Variants in STK32A observed in about 807,000 individuals in gnomAD.
STK32A encodes the protein serine/threonine-protein kinase 32A.
STK32A carries 41 observed loss-of-function variants against 53.2 expected under a neutral mutation model. The ratio of observed to expected loss-of-function variants is 0.77; its 90% CI spans 0.60 to 1.00. The LOEUF is 1.00. STK32A is among the 50% of genes least tolerant of loss of function. STK32A has a pLI of 0.00. For synonymous variants in STK32A, 166 were observed against 162.8 expected, an observed-to-expected ratio of 1.02 and a Z score of -0.15; for missense variants, 458 against 485.8, an observed-to-expected ratio of 0.94 and a Z score of 0.54.
At chr5:147,394,307 A>T in the STK32A span, among the ~76,000 whole-genome samples, 32 of 152,326 alleles carry the variant, frequency 2.1e-4, no homozygotes, top group East Asian at 6.0e-3. Context: ...ATGGCCCCGA[A>T]AACTAGCCTC....
chr5:147,400,650 T>A, the STK32A span: 3 of 1,604,136 alleles, frequency 1.9e-6, no homozygotes, highest in Non-Finnish European at 2.6e-6. Context: ...GGCCCATGGA[T>A]GTTTTGGCTC....
chr5:147,269,177 G>A (rs1290571850), intron 2 of STK32A, among the ~76,000 whole-genome samples: 1 of 152,166 alleles, frequency 6.6e-6, no homozygotes, highest in Non-Finnish European at 1.5e-5. Context: ...GATAATATAT[G>A]TAACATATTT....
Position 147,375,129 on chromosome 5 carries a change from G to A in STK32A, c.943G>A (p.Glu315Lys). 1 of 1,608,816 alleles carries A rather than the reference G, an allele frequency of 6.2e-7. No homozygotes were observed. Among genetic ancestry groups the A allele is most frequent in the Non-Finnish European group, 8.5e-7 (1 of 1,178,018 alleles). ...LNCDPTFELE[E>K]MILESKPLHK... ...TTGTGATCCTACCTTTGAACTTGAG[G>A]AAATGATTTTGGAGTCCAAACCTCT... Residue 315 changes from glutamate (E) to lysine (K), a missense_variant, in exon 11 of 13, where the codon GAA becomes AAA. Glu to Lys is a moderately conservative substitution (Grantham distance 56). Transcript: ENST00000397936.
At chr5:147,286,979 C>T (rs1281020592) in intron 4 of STK32A, among the ~76,000 whole-genome samples, 1 of 152,102 alleles carries the variant, frequency 6.6e-6, no homozygotes, top group African/African-American at 2.4e-5. Context: ...TTATACGAAG[C>T]ACTTTCTCCC....
chr5:147,260,172 TCTCTCTC>T (rs1561674966), intron 2 of STK32A, among the ~76,000 whole-genome samples: 150 of 14,146 alleles, frequency 0.011, 1 homozygote, highest in African/African-American at 0.023. Context: ...TGTCTCTCTC[TCTCTCTC>T]CTCTCTCTCT....
rs1279844414 is a variant in STK32A at position 147,361,508 on chromosome 5, G to A, written c.563-9G>A. 6.2e-7 allele frequency: 1 copy of A among 1,604,426 alleles called. No individual in the cohort carries two copies. The highest frequency in any genetic ancestry group is 1.1e-5 in the South Asian group (1 of 89,570). ...GAATCAAACTGGTTTAATTTTTCGT[G>A]TTTTTCAGCACCTGAGATGTTCAGC... On this transcript the variant is annotated splice_polypyrimidine_tract_variant and intron_variant, in intron 7 of 12. Transcript: ENST00000397936.
Position 147,384,247 on chromosome 5 carries a change from G to T in STK32A, c.*264G>T, listed in dbSNP as rs1021709341. 53 of 1,336,198 alleles carry T rather than the reference G, an allele frequency of 4.0e-5. No individual in the cohort carries two copies. In the African/African-American group the frequency reaches 7.2e-4, roughly 18 times the overall value. The allele number at this position is 1,336,198 out of a possible 1,614,324, so 82.8% of individuals were successfully genotyped here. On this transcript the variant is annotated 3_prime_UTR_variant, in exon 13 of 13. Coordinates refer to ENST00000397936, the MANE Select transcript of STK32A (RefSeq NM_001112724.2). ...TTTACTTTATTTATCTAAAATGAGA[G>T]GGTTATACTAGACGAGCCATACCCT...
chr5:147,357,739 A>C (rs1035015555), intron 7 of STK32A, among the ~76,000 whole-genome samples: 4 of 151,976 alleles, frequency 2.6e-5, no homozygotes, highest in Admixed American at 2.6e-4. Flanking sequence ...TCATTTTTTT[A>C]CTTAACTCAG....
At chr5:147,273,986 T>G (rs989377541) in intron 2 of STK32A, among the ~76,000 whole-genome samples, 2 of 152,166 alleles carry the variant, frequency 1.3e-5, no homozygotes, top group African/African-American at 4.8e-5. Context: ...CTCATACATA[T>G]AGAATGTCTG....
At chr5:147,398,690 G>T in the STK32A span, among the ~76,000 whole-genome samples, 43 of 152,230 alleles carry the variant, frequency 2.8e-4, no homozygotes, top group Non-Finnish European at 5.1e-4. Flanking sequence ...TGCACGCCCT[G>T]ACTTCCGGAA....
At chr5:147,400,277 G>T in the STK32A span, among the ~76,000 whole-genome samples, 1 of 152,116 alleles carries the variant, frequency 6.6e-6, no homozygotes, top group Admixed American at 6.5e-5. Flanking sequence ...AGTACAGGGC[G>T]TCCTTGATAA....
intron 5 of STK32A, among the ~76,000 whole-genome samples, chr5:147,329,163 A>G (rs1365293123): frequency 1.3e-5 from 2 of 152,198 alleles, no homozygotes; most frequent in Non-Finnish European, 2.9e-5. Context: ...GCTGTGTAGA[A>G]AAACACAGGA....
intron 4 of STK32A, among the ~76,000 whole-genome samples, chr5:147,299,682 G>C (rs758172908): frequency 6.6e-6 from 1 of 152,100 alleles, no homozygotes; most frequent in Non-Finnish European, 1.5e-5. Flanking sequence ...ATTGTTATCC[G>C]GGAGCATAGA....
chr5:147,323,406 G>A (rs1225752994), intron 4 of STK32A, among the ~76,000 whole-genome samples: 1 of 152,050 alleles, frequency 6.6e-6, no homozygotes, highest in East Asian at 1.9e-4. Flanking sequence ...CTTCTTATGT[G>A]TTTTCCTTAT....
At chr5:147,401,397 G>A in the STK32A span, 29 of 940,940 alleles carry the variant, frequency 3.1e-5, no homozygotes, top group East Asian at 8.0e-4. Flanking sequence ...CTACGCTCAA[G>A]ACTGTAAAAG....
At chr5:147,265,009 G>A (rs4705149) in intron 2 of STK32A, among the ~76,000 whole-genome samples, 42,517 of 151,036 alleles carry the variant, frequency 0.28, 6,230 homozygotes, top group Admixed American at 0.35. Context: ...AATATGAATC[G>A]TGGTTATCTT....
At chr5:147,255,962 G>T (rs763406729) in intron 2 of STK32A, among the ~76,000 whole-genome samples, 2 of 152,096 alleles carry the variant, frequency 1.3e-5, no homozygotes, top group Admixed American at 6.6e-5. Flanking sequence ...GGCTTCTCTC[G>T]CTTTACGATG....
chr5:147,308,726 A>AG (rs1431265597), intron 4 of STK32A, among the ~76,000 whole-genome samples: 5 of 132,920 alleles, frequency 3.8e-5, no homozygotes, highest in Non-Finnish European at 8.4e-5. Context: ...AGTCACTAGA[A>AG]GTTTTTTTTT....
At chr5:147,313,408 A>G (rs1043968042) in intron 4 of STK32A, among the ~76,000 whole-genome samples, 2 of 152,222 alleles carry the variant, frequency 1.3e-5, no homozygotes, top group Non-Finnish European at 2.9e-5. Context: ...CACTTGAGAA[A>G]AGAAGTGAGA....
Sources: gnomAD v4.1 joint callset for allele counts (sites outside exome capture counted in the v4.1 genomes callset) on GRCh38, gnomAD v4.1.1 for gene constraint, MANE v1.5 for transcripts, NCBI Gene and HGNC (gene_info 2026-07-23, HGNC 2026-07-21) for gene names.